The following VPS72 variants were observed in gnomAD, a reference collection of about 807,000 sequenced individuals.
VPS72 encodes vacuolar protein sorting-associated protein 72 homolog.
A neutral mutation model predicts 38.9 loss-of-function variants in VPS72; 27 were observed. The observed-to-expected ratio is 0.69, with a 90% CI of 0.51 to 0.96. The LOEUF (loss-of-function observed/expected upper bound fraction) is 0.96, where lower values mean the gene tolerates loss of function less well. VPS72 is among the 40% of genes least tolerant of loss of function. The probability of loss-of-function intolerance (pLI) is 0.00; values close to 1 mark genes in which losing one functional copy is unlikely to be tolerated. For synonymous variants in VPS72, 173 were observed against 186.3 expected (o/e 0.93, Z 0.58); for missense variants, 360 against 479.5 (o/e 0.75, Z 2.33).
intron 4 of VPS72, among the ~76,000 whole-genome samples, chr1:151,182,839 T>G (rs1684269515): frequency 6.6e-6 from 1 of 152,232 alleles, no homozygotes. Flanking sequence ...CACATTTTAG[T>G]GTCTGCAGGA....
intron 5 of VPS72, 70 bp from the exon 6 acceptor site, chr1:151,177,101 A>C: frequency 6.8e-7 from 1 of 1,460,004 alleles, no homozygotes; most frequent in African/African-American, 1.4e-5. Context: ...AAAGAAGGAA[A>C]TCAGGCTGGG....
At position 151,185,628 on chromosome 1, in the gene VPS72, C is replaced by T; in HGVS notation, c.271-8G>A. On this transcript the variant is annotated splice_polypyrimidine_tract_variant and splice_region_variant and intron_variant, in intron 2 of 5. Coordinates refer to ENST00000368892, the MANE Select transcript of VPS72 (RefSeq NM_005997.3). ...TAAGCTCTTGAGAGGTTCCTGAGGACAGATTGGAATCAGATACTGGGGAAC... is the reference window on the plus strand; with the variant it reads ...TAAGCTCTTGAGAGGTTCCTGAGGATAGATTGGAATCAGATACTGGGGAAC... The T allele has an allele frequency of 2.5e-6, 4 of 1,613,862 alleles. No individual in the cohort carries two copies. Among genetic ancestry groups the T allele is most frequent in the Non-Finnish European group, 3.4e-6 (4 of 1,179,884 alleles).
At chr1:151,178,286 A>G in intron 4 of VPS72, 141 bp from the exon 5 acceptor site, 1 of 1,178,534 alleles carries the variant, frequency 8.5e-7, no homozygotes, top group Non-Finnish European at 1.1e-6. Flanking sequence ...GAAGTCCCCT[A>G]AGGCCGTCTG....
intron 4 of VPS72, among the ~76,000 whole-genome samples, chr1:151,179,984 T>C (rs1362926720): frequency 6.6e-6 from 1 of 152,018 alleles, no homozygotes; most frequent in Non-Finnish European, 1.5e-5. Flanking sequence ...TCCTTAAATA[T>C]GGTTATGATG....
At chr1:151,183,834 T>G (rs1345651927) in intron 4 of VPS72, among the ~76,000 whole-genome samples, 1 of 152,012 alleles carries the variant, frequency 6.6e-6, no homozygotes, top group Non-Finnish European at 1.5e-5. Context: ...CATGAAGGAC[T>G]AATCTGCTGA....
chr1:151,188,053 T>C (rs1264241788), intron 1 of VPS72, among the ~76,000 whole-genome samples: 1 of 151,904 alleles, frequency 6.6e-6, no homozygotes, highest in Non-Finnish European at 1.5e-5. Context: ...TGGGTTTTTT[T>C]TTTTTTTGAG....
intron 5 of VPS72, among the ~76,000 whole-genome samples, 164 bp downstream of exon 5, chr1:151,177,837 T>C (rs1001034876): frequency 7.4e-5 from 11 of 149,428 alleles, no homozygotes; most frequent in Non-Finnish European, 1.5e-4. Context: ...AGCAGCATCA[T>C]GTCTCAAAAA....
chr1:151,178,039 C>G lies in VPS72; in HGVS notation c.669G>C (p.Gly223=), dbSNP rs1684156175. The stretch of plus-strand genomic sequence containing the variant: ...CGTTCTCTTCCTTGGGGCCTGGCTC[C>G]CCAACAAGTGGCACTGTCACTGAAT... ...TYHSVTVPLV[G]EPGPKEENVD... The change falls in exon 5 of 6, where the codon GGG becomes GGC. Residue 223 remains glycine, a synonymous_variant. Coordinates refer to ENST00000368892, the MANE Select transcript of VPS72 (RefSeq NM_005997.3). The G allele has an allele frequency of 9.9e-6, 16 of 1,613,976 alleles. No individual in the cohort carries two copies. The highest frequency in any genetic ancestry group is 1.3e-5 in the Non-Finnish European group (15 of 1,180,042).
chr1:151,176,741 G>T lies in VPS72; in HGVS notation c.998C>A (p.Pro333Gln). 1 of 1,614,160 alleles carries T rather than the reference G, an allele frequency of 6.2e-7. No individual in the cohort carries two copies. Among genetic ancestry groups the T allele is most frequent in the Non-Finnish European group, 8.5e-7 (1 of 1,180,024 alleles). Residue 333 changes from proline to glutamine, a missense_variant, in exon 6 of 6, where the codon CCG becomes CAG. Pro to Gln is a moderately conservative substitution (Grantham distance 76). This residue lies in a region of VPS72 where 294 missense variants were observed against 356.3 expected (regional missense o/e 0.83). Coordinates refer to ENST00000368892, the MANE Select transcript of VPS72 (RefSeq NM_005997.3). ...GGGGCCCAGGGCTGAGGCAGTGGGCGGCAGTCCATGGGCAGTAATGTACTT... is the reference window on the plus strand; with the variant it reads ...GGGGCCCAGGGCTGAGGCAGTGGGCTGCAGTCCATGGGCAGTAATGTACTT... The part of the protein sequence containing the change: ...YKKYITAHGL[P>Q]PTASALGPGP...
chr1:151,180,072 A>G (rs1684207034), intron 4 of VPS72, among the ~76,000 whole-genome samples: 1 of 151,958 alleles, frequency 6.6e-6, no homozygotes, highest in Non-Finnish European at 1.5e-5. Flanking sequence ...TAATTACAGC[A>G]CTTTGGGAGG....
At chr1:151,185,428 A>G in intron 3 of VPS72, 78 bp downstream of exon 3, 2 of 1,426,126 alleles carry the variant, frequency 1.4e-6, no homozygotes, top group Middle Eastern at 2.1e-4. Flanking sequence ...ACCCAGCAAC[A>G]TCAGTAAATT....
intron 4 of VPS72, among the ~76,000 whole-genome samples, chr1:151,180,173 G>C (rs944865616): frequency 4.0e-5 from 6 of 151,348 alleles, no homozygotes; most frequent in African/African-American, 1.5e-4. Context: ...ACAAAAATTA[G>C]CTGGGCGTGG....
intron 1 of VPS72, among the ~76,000 whole-genome samples, chr1:151,189,595 G>A (rs1280696680): frequency 2.0e-5 from 3 of 152,102 alleles, no homozygotes; most frequent in African/African-American, 7.2e-5. Flanking sequence ...CTTTTGGAGC[G>A]GTTCCTTTCC....
chr1:151,185,523 T>C lies in VPS72; in HGVS notation c.368A>G (p.Gln123Arg). The stretch of plus-strand genomic sequence containing the variant: ...CTACTCACTGTCAGAGCCGTCATCT[T>C]GTAGTTCTAATGGCAGTAGTGCCTT... ...EEKALLPLEL[Q>R]DDGSDSRKSM... Residue 123 changes from glutamine to arginine, a missense_variant, in exon 3 of 6, where the codon CAA becomes CGA. Gln to Arg is a conservative substitution (Grantham distance 43). Transcript: ENST00000368892. 4 of 1,614,204 alleles carry C rather than the reference T, an allele frequency of 2.5e-6. No individual in the cohort carries two copies. Among genetic ancestry groups the C allele is most frequent in the Non-Finnish European group, 3.4e-6 (4 of 1,180,038 alleles).
chr1:151,185,557 G>C lies in VPS72; in HGVS notation c.334C>G (p.Arg112Gly). Residue 112 changes from arginine (R) to glycine (G), a missense_variant, in exon 3 of 6, where the codon CGA becomes GGA. Transcript: ENST00000368892. ...AATGGCAGTAGTGCCTTCTCTTCTC[G>C]CGCCTTCTGAGAGCTACCAGCCGGG... ...NTPAGSSQKAREEKALLPLEL... is the reference protein window; with the variant it reads ...NTPAGSSQKAGEEKALLPLEL... The C allele has an allele frequency of 6.2e-7, 1 of 1,614,092 alleles. No homozygotes were observed. Among genetic ancestry groups the C allele is most frequent in the Non-Finnish European group, 8.5e-7 (1 of 1,180,024 alleles).
Position 151,190,117 on chromosome 1 carries a change from C to G in VPS72, c.5G>C (p.Ser2Thr), listed in dbSNP as rs746765561. The G allele has an allele frequency of 1.2e-6, 2 of 1,613,302 alleles. No individual in the cohort carries two copies. The highest frequency in any genetic ancestry group is 1.3e-5 in the African/African-American group (1 of 74,900). Residue 2 changes from serine to threonine, a missense_variant, in exon 1 of 6, where the codon AGT becomes ACT. Transcript: ENST00000368892. ...CCGGGGTGCCCGGCCCCCAGCCAAA[C>G]TCATACCGCCTACCGAGACTGCGCC... Reference protein sequence around the residue: MSLAGGRAPRKT... With the variant: MTLAGGRAPRKT...
At chr1:151,183,479 G>A (rs1408448207) in intron 4 of VPS72, among the ~76,000 whole-genome samples, 1 of 150,866 alleles carries the variant, frequency 6.6e-6, no homozygotes, top group Non-Finnish European at 1.5e-5. Context: ...TCCTTACAGT[G>A]GTCCAAACCA....
chr1:151,176,855 G>A lies in VPS72; in HGVS notation c.884C>T (p.Thr295Ile), dbSNP rs770266333. The A allele has an allele frequency of 6.2e-7, 1 of 1,614,150 alleles. No homozygotes were observed. Among genetic ancestry groups the A allele is most frequent in the Non-Finnish European group, 8.5e-7 (1 of 1,180,034 alleles). The change falls in exon 6 of 6, where the codon ACC becomes ATC. Residue 295 changes from threonine to isoleucine, a missense_variant. Physicochemically the swap from Thr to Ile is moderately conservative, Grantham distance 89. This residue lies in a region of VPS72 where 294 missense variants were observed against 356.3 expected (regional missense o/e 0.83). Coordinates refer to ENST00000368892, the MANE Select transcript of VPS72 (RefSeq NM_005997.3). ...KVPVREVCPV[T>I]HRPALYRDPV... ...GTCCCGGTATAGGGCTGGACGATGG[G>A]TCACTGGACAGACCTCACGAACAGG...
intron 4 of VPS72, among the ~76,000 whole-genome samples, chr1:151,182,578 GC>G (rs1414520058): frequency 6.6e-6 from 1 of 152,108 alleles, no homozygotes; most frequent in Non-Finnish European, 1.5e-5. Flanking sequence ...TCATGGCCAA[GC>G]TTGAAAAGTT....
Sources: allele counts gnomAD v4.1 joint callset (sites outside exome capture counted in the v4.1 genomes callset), GRCh38; gene constraint gnomAD v4.1.1; regional missense constraint gnomAD v4.1.1; transcripts MANE v1.5; gene names NCBI Gene and HGNC (gene_info 2026-07-23, HGNC 2026-07-21).